DNAAF19: variants seen among roughly 807,000 people sequenced by gnomAD.
The protein encoded by DNAAF19 is dynein axonemal assembly factor 19.
At chr17:44,901,078 A>G in the DNAAF19 span, 72 of 1,604,390 alleles carry the variant, frequency 4.5e-5, no homozygotes, top group Non-Finnish European at 5.5e-5. Flanking sequence ...GAGAAGTACA[A>G]ACGGGAGAAT....
At chr17:44,904,110 G>A in the DNAAF19 span, 66 of 1,550,614 alleles carry the variant, frequency 4.3e-5, no homozygotes, top group Middle Eastern at 3.3e-4. Context: ...GCCCAGGTAC[G>A]TGTGGGCAGC....
At chr17:44,902,570 C>T in the DNAAF19 span, 4 of 1,614,216 alleles carry the variant, frequency 2.5e-6, no homozygotes, top group Non-Finnish European at 3.4e-6. Flanking sequence ...GCTGACCGGG[C>T]AGCGGTGCTG....
the DNAAF19 span, chr17:44,903,605 C>G: frequency 6.0e-4 from 844 of 1,404,998 alleles, 4 homozygotes; most frequent in African/African-American, 0.011. Flanking sequence ...CTTTCCCCCC[C>G]CACCCTGAGA....
At chr17:44,901,390 A>T in the DNAAF19 span, 819 of 1,167,788 alleles carry the variant, frequency 7.0e-4, 9 homozygotes, top group Middle Eastern at 8.1e-3. Flanking sequence ...GCAGTCAGCT[A>T]TCGCTGTTGT....
At chr17:44,904,633 G>A in the DNAAF19 span, 1 of 1,550,512 alleles carries the variant, frequency 6.4e-7, no homozygotes. Flanking sequence ...GCCGGCCCTG[G>A]GTGCCCCAGG....
the DNAAF19 span, chr17:44,902,650 AG>A: frequency 6.2e-7 from 1 of 1,614,138 alleles, no homozygotes; most frequent in East Asian, 2.2e-5. Context: ...CCGGGCAGAG[AG>A]AGAGAGCTGC....
At chr17:44,901,208 C>T in the DNAAF19 span, 1 of 1,554,908 alleles carries the variant, frequency 6.4e-7, no homozygotes, top group Non-Finnish European at 8.7e-7. Context: ...ACTCTGAAAT[C>T]AAACCATTCT....
At chr17:44,904,443 T>C in the DNAAF19 span, 1 of 1,542,552 alleles carries the variant, frequency 6.5e-7, no homozygotes, top group Non-Finnish European at 8.8e-7. Context: ...CCACGCTACC[T>C]CAAGGCCGTG....
chr17:44,903,823 T>G, the DNAAF19 span: 6 of 1,547,684 alleles, frequency 3.9e-6, no homozygotes, highest in Non-Finnish European at 5.2e-6. Context: ...CCCTGCCTCC[T>G]TCAGGTATGC....
At chr17:44,904,318 T>C in the DNAAF19 span, 1 of 1,545,064 alleles carries the variant, frequency 6.5e-7, no homozygotes, top group Non-Finnish European at 8.7e-7. Flanking sequence ...ATGAATACTA[T>C]GGGCACCTCC....
At chr17:44,902,260 G>A in the DNAAF19 span, 1 of 1,453,830 alleles carries the variant, frequency 6.9e-7, no homozygotes, top group Non-Finnish European at 9.7e-7. Flanking sequence ...TCAGACAGTA[G>A]TGAGATGAAG....
chr17:44,904,888 T>G, the DNAAF19 span: 1 of 1,550,604 alleles, frequency 6.4e-7, no homozygotes, highest in Non-Finnish European at 8.7e-7. Context: ...TGCTAGTTGC[T>G]GGCTTCCGGC....
the DNAAF19 span, chr17:44,902,759 G>C: frequency 2.5e-6 from 4 of 1,598,778 alleles, no homozygotes; most frequent in East Asian, 9.0e-5. Flanking sequence ...CAGTCTGGTG[G>C]GCTCCAGGAG....
At chr17:44,904,860 A>G in the DNAAF19 span, 1 of 1,550,576 alleles carries the variant, frequency 6.4e-7, no homozygotes, top group Admixed American at 2.0e-5. Flanking sequence ...GGCATCTACT[A>G]TTGCTGGAGG....
At chr17:44,902,300 T>G in the DNAAF19 span, 1 of 1,597,332 alleles carries the variant, frequency 6.3e-7, no homozygotes. Context: ...CAGGCTCCCC[T>G]CCCTGTCACT....
At chr17:44,903,789 C>A in the DNAAF19 span, 32 of 1,517,014 alleles carry the variant, frequency 2.1e-5, no homozygotes, top group Non-Finnish European at 2.8e-5. Context: ...CTTTAATGCC[C>A]TGGTTTTGCC....
chr17:44,901,222 C>A, the DNAAF19 span: 1 of 1,506,920 alleles, frequency 6.6e-7, no homozygotes, highest in Non-Finnish European at 8.9e-7. Context: ...CCATTCTGGG[C>A]TTCAGTCCTG....
At chr17:44,901,184 G>C in the DNAAF19 span, 2 of 1,588,598 alleles carry the variant, frequency 1.3e-6, no homozygotes, top group Non-Finnish European at 1.7e-6. Flanking sequence ...TGTTATGGTG[G>C]ATTATAGTAG....
At chr17:44,903,207 CA>C in the DNAAF19 span, 1 of 1,261,810 alleles carries the variant, frequency 7.9e-7, no homozygotes, top group Non-Finnish European at 9.9e-7. Flanking sequence ...CTGATCTCCA[CA>C]GCTCTTAACA....
Sources: allele counts gnomAD v4.1 joint callset, GRCh38; gene constraint gnomAD v4.1.1; transcripts MANE v1.5; gene names NCBI Gene and HGNC (gene_info 2026-07-23, HGNC 2026-07-21).